The following KLHL15 variants were observed in gnomAD, a reference collection of about 807,000 sequenced individuals.
KLHL15 encodes kelch-like protein 15.
A neutral mutation model predicts 29.3 loss-of-function variants in KLHL15; 1 was observed. The observed-to-expected ratio is 0.03, with a 90% CI of 0.01 to 0.16. The LOEUF is 0.16. Among genes scored for constraint, KLHL15 ranks in the 10% least tolerant of loss-of-function variants. KLHL15 has a pLI of 1.00. For missense variants in KLHL15, 215 were observed against 478.5 expected (o/e 0.45, Z 5.14); for synonymous variants, 212 against 184.5 (o/e 1.15, Z -1.21).
chrX:24,006,048 C>T lies in KLHL15; in HGVS notation c.646G>A (p.Asp216Asn). Residue 216 changes from aspartate (D) to asparagine (N), a missense_variant, in exon 3 of 4, where the codon GAT (aspartate) becomes AAT (asparagine). Coordinates refer to ENST00000328046, the MANE Select transcript of KLHL15 (RefSeq NM_030624.3). ...AACCGGATATTCTGAATGATGGTAT[C>T]GGTATGTCTCCAGCGTCTTCTATCA... is the stretch of plus-strand genomic sequence containing the variant. ...RHDRRRWRHT[D>N]TIIQNIRFCL... The T allele has an allele frequency of 3.3e-6, 4 of 1,211,061 alleles. No homozygotes were observed. Among genetic ancestry groups the T allele is most frequent in the Non-Finnish European group, 4.5e-6 (4 of 895,387 alleles).
At chrX:23,998,569 A>T (rs1929243291) in intron 3 of KLHL15, among the ~76,000 whole-genome samples, 1 of 111,625 alleles carries the variant, frequency 9.0e-6, no homozygotes, top group Admixed American at 9.6e-5. Context: ...TTTTCTGGTT[A>T]TATTAATATT....
intron 3 of KLHL15, among the ~76,000 whole-genome samples, chrX:24,001,528 G>GCCCA (rs1057042832): frequency 1.8e-5 from 2 of 111,045 alleles, no homozygotes; most frequent in Non-Finnish European, 3.8e-5. Flanking sequence ...CATAGGCTGG[G>GCCCA]CGTGGTGGCT....
intron 3 of KLHL15, among the ~76,000 whole-genome samples, chrX:24,002,138 A>AAAATAAAT (rs1569266957): frequency 1.0e-5 from 1 of 96,129 alleles, no homozygotes; most frequent in African/African-American, 5.1e-5. Flanking sequence ...GTCTCAAAAG[A>AAAATAAAT]AAATGAATAA....
chrX:24,011,284 C>A (rs769993393), intron 2 of KLHL15, among the ~76,000 whole-genome samples: 41 of 102,198 alleles, frequency 4.0e-4, no homozygotes, highest in Non-Finnish European at 7.4e-4. Context: ...GGTAGGAGGA[C>A]TGCTTGAGGC....
At chrX:24,009,134 G>A (rs866571232) in intron 2 of KLHL15, among the ~76,000 whole-genome samples, 1 of 111,313 alleles carries the variant, frequency 9.0e-6, no homozygotes, top group Middle Eastern at 4.6e-3. Flanking sequence ...TGAGGCAGGC[G>A]GATCACTTGA....
chrX:24,024,762 G>C (rs1929885587), intron 2 of KLHL15, 95 bp downstream of exon 2: 1 of 296,434 alleles, frequency 3.4e-6, no homozygotes, highest in Non-Finnish European at 5.9e-6. Flanking sequence ...GTTTGACTCG[G>C]GTCCGTGCAG....
At chrX:23,991,491 C>T (rs1929084314) in intron 3 of KLHL15, among the ~76,000 whole-genome samples, 1 of 110,270 alleles carries the variant, frequency 9.1e-6, no homozygotes, top group African/African-American at 3.3e-5. Flanking sequence ...TGCACTGCAG[C>T]CTGGGCAACA....
At chrX:23,998,322 T>C (rs1372098238) in intron 3 of KLHL15, among the ~76,000 whole-genome samples, 1 of 110,146 alleles carries the variant, frequency 9.1e-6, no homozygotes, top group Non-Finnish European at 1.9e-5. Flanking sequence ...AGTGGCGCGA[T>C]CTTGGCTCAC....
chrX:24,011,877 C>A (rs1290862554), intron 2 of KLHL15, among the ~76,000 whole-genome samples: 1 of 112,007 alleles, frequency 8.9e-6, no homozygotes, highest in African/African-American at 3.2e-5. Flanking sequence ...AGGCCAGGTG[C>A]GGTGGCTCAC....
intron 2 of KLHL15, 92 bp downstream of exon 2, chrX:24,024,764 TC>T (rs1929885725): frequency 3.4e-6 from 1 of 296,062 alleles, no homozygotes; most frequent in Non-Finnish European, 5.9e-6. Flanking sequence ...TTGACTCGGG[TC>T]CGTGCAGAGA....
At position 23,985,248 on chromosome X, in the gene KLHL15, T is replaced by C. The variant is rs772189641; in HGVS notation, c.*2673A>G. 8.9e-6 allele frequency: 1 copy of C among 111,777 alleles called. No individual in the cohort carries two copies. Among genetic ancestry groups the C allele is most frequent in the African/African-American group, 3.2e-5 (1 of 30,885 alleles). The allele number at this position is 111,777 out of a possible 1,213,427, so 9.2% of individuals were successfully genotyped here. On this transcript the variant is annotated 3_prime_UTR_variant, in exon 4 of 4. Transcript: ENST00000328046. Reference sequence around the variant, plus strand: ...TAAACTGTATAGATTCAAATCTTACTGAATTTTTCAAAAAACTACTTTTTT... The same window carrying C: ...TAAACTGTATAGATTCAAATCTTACCGAATTTTTCAAAAAACTACTTTTTT...
chrX:24,017,915 C>T (rs1929723398), intron 2 of KLHL15, among the ~76,000 whole-genome samples: 1 of 110,705 alleles, frequency 9.0e-6, no homozygotes, highest in Non-Finnish European at 1.9e-5. Flanking sequence ...CCAGCCTGGG[C>T]AATGTGGCCA....
rs190807018 is a variant in KLHL15, at chrX:23,993,768, C to A, written c.706-4738G>T. ...TCCTGGTCGGGCACGGTGGCTCACA[C>A]CTGTAATCTCAGCACTTTGGGAGGT... On this transcript the variant is annotated intron_variant, in intron 3 of 3. Transcript: ENST00000328046. 2.7e-5 allele frequency among the ~76,000 whole-genome samples: 3 copies of A among 110,486 alleles called. No individual in the cohort carries two copies. In the East Asian group the frequency reaches 8.4e-4, roughly 31 times the overall value.
intron 1 of KLHL15, among the ~76,000 whole-genome samples, chrX:24,025,725 G>T (rs1285261277): frequency 9.7e-6 from 1 of 102,712 alleles, no homozygotes; most frequent in African/African-American, 3.5e-5. Flanking sequence ...GAACGGGGGG[G>T]AAGGGGGGGC....
chrX:24,007,883 C>G (rs1929486024), intron 2 of KLHL15, among the ~76,000 whole-genome samples: 1 of 106,888 alleles, frequency 9.4e-6, no homozygotes, highest in Non-Finnish European at 1.9e-5. Context: ...AAAATGATGT[C>G]AACAGTTTAT....
chrX:24,006,640 A>G lies in KLHL15; in HGVS notation c.54T>C (p.Ser18=). 2 of 1,211,057 alleles carry G rather than the reference A, an allele frequency of 1.7e-6. No homozygotes were observed. Among genetic ancestry groups the G allele is most frequent in the Non-Finnish European group, 2.2e-6 (2 of 894,995 alleles). The stretch of plus-strand genomic sequence containing the variant: ...CCTCATACAGTGCTCTGAACCCAGC[A>G]GAGACACTGGTGTCGTGGATGGAGG... ...FCSSIHDTSV[S]AGFRALYEEG... is the part of the protein sequence containing the mutation. The change falls in exon 3 of 4, where the codon TCT becomes TCC. Residue 18 remains serine (S), a synonymous_variant. Transcript: ENST00000328046.
At chrX:24,007,836 T>G (rs753845713) in intron 2 of KLHL15, among the ~76,000 whole-genome samples, 2 of 110,530 alleles carry the variant, frequency 1.8e-5, no homozygotes, top group African/African-American at 6.5e-5. Flanking sequence ...AACAAATTAT[T>G]AAAACATGAT....
At chrX:24,025,394 GCTCCGGGCCGCGCGCCCC>G (rs1211646303) in intron 1 of KLHL15, among the ~76,000 whole-genome samples, 8 of 106,204 alleles carry the variant, frequency 7.5e-5, no homozygotes, top group East Asian at 3.1e-4. Flanking sequence ...GCCGGGGGCC[GCTCCGGGCCGCGCGCCCC>G]CTGCGGGCCG....
chrX:24,000,890 A>G (rs899660760), intron 3 of KLHL15, among the ~76,000 whole-genome samples: 24 of 112,793 alleles, frequency 2.1e-4, no homozygotes, highest in African/African-American at 7.7e-4. Flanking sequence ...TTACCACCTA[A>G]GCATGAGATT....
Sources: gnomAD v4.1 joint callset for allele counts (sites outside exome capture counted in the v4.1 genomes callset) on GRCh38, gnomAD v4.1.1 for gene constraint, MANE v1.5 for transcripts, NCBI Gene and HGNC (gene_info 2026-07-23, HGNC 2026-07-21) for gene names.